The following ZFHX3 variants were observed in gnomAD, a reference collection of about 807,000 sequenced individuals.
The protein encoded by ZFHX3 is zinc finger homeobox 3.
ZFHX3 carries 42 observed loss-of-function variants against 279.1 expected under a neutral mutation model. The observed-to-expected ratio is 0.15, with a 90% CI of 0.12 to 0.19. The LOEUF (loss-of-function observed/expected upper bound fraction) is 0.19. Among genes scored for constraint, ZFHX3 ranks in the 10% least tolerant of loss-of-function variants. The pLI is 1.00. For missense variants in ZFHX3, 4,981 were observed against 4,754.0 expected, an observed-to-expected ratio of 1.05 and a Z score of -1.40; for synonymous variants, 2,293 against 1,957.8, an observed-to-expected ratio of 1.17 and a Z score of -4.52.
chr16:73,497,938 C>A (rs1186256118), intron 2 of ZFHX3, among the ~76,000 whole-genome samples: 1 of 152,242 alleles, frequency 6.6e-6, no homozygotes, highest in African/African-American at 2.4e-5. Flanking sequence ...CCAGCCCAAT[C>A]ACTCTTTCAA....
chr16:73,132,727 C>T (rs1415881589), intron 6 of ZFHX3, among the ~76,000 whole-genome samples: 1 of 152,152 alleles, frequency 6.6e-6, no homozygotes, highest in Non-Finnish European at 1.5e-5. Flanking sequence ...GCTTGAAGCA[C>T]ATAATGTAAC....
At chr16:73,772,417 C>G (rs561206651) in intron 1 of ZFHX3, among the ~76,000 whole-genome samples, 73 of 152,280 alleles carry the variant, frequency 4.8e-4, no homozygotes, top group South Asian at 3.9e-3. Context: ...CTTGCCATCA[C>G]GCGAACAGCA....
At chr16:73,777,508 C>CAA (rs34744186) in intron 1 of ZFHX3, among the ~76,000 whole-genome samples, 23,389 of 62,018 alleles carry the variant, frequency 0.38, 8,286 homozygotes, top group Non-Finnish European at 0.44. Flanking sequence ...GACTCTGTCT[C>CAA]AAAAAAAAAA....
At chr16:73,835,302 G>A (rs765592426) in intron 1 of ZFHX3, among the ~76,000 whole-genome samples, 2 of 152,084 alleles carry the variant, frequency 1.3e-5, no homozygotes, top group Non-Finnish European at 2.9e-5. Flanking sequence ...TTGGGGTAGC[G>A]TGTTTTCTAA....
At chr16:73,602,458 G>A (rs2052128888) in intron 2 of ZFHX3, among the ~76,000 whole-genome samples, 1 of 152,080 alleles carries the variant, frequency 6.6e-6, no homozygotes, top group East Asian at 1.9e-4. Context: ...CCTCCAAAGG[G>A]CAGGGGAGAA....
chr16:72,892,170 A>T (rs945641058), intron 3 of ZFHX3, among the ~76,000 whole-genome samples: 1 of 152,250 alleles, frequency 6.6e-6, no homozygotes, highest in Non-Finnish European at 1.5e-5. Context: ...AAGAAACATA[A>T]ATGCACCAAC....
At chr16:73,155,187 A>AC (rs959262613) in intron 5 of ZFHX3, among the ~76,000 whole-genome samples, 2 of 151,794 alleles carry the variant, frequency 1.3e-5, no homozygotes, top group East Asian at 1.9e-4. Context: ...AAACAAAAAA[A>AC]AAAAAAACAA....
intron 5 of ZFHX3, among the ~76,000 whole-genome samples, chr16:73,185,997 C>A (rs922590995): frequency 2.6e-5 from 4 of 152,084 alleles, no homozygotes; most frequent in Non-Finnish European, 5.9e-5. Flanking sequence ...GAGCGCAAAC[C>A]CTTTTGGGAA....
intron 1 of ZFHX3, among the ~76,000 whole-genome samples, chr16:73,816,677 G>A (rs1032459270): frequency 3.3e-5 from 5 of 152,270 alleles, no homozygotes; most frequent in African/African-American, 7.2e-5. Flanking sequence ...GCAGGGGTAC[G>A]GACTGAATAG....
Position 73,611,514 on chromosome 16 carries a change from T to G in ZFHX3, c.-1547+68666A>C, listed in dbSNP as rs74030136. ...GCTGGAAAAATATTACATAAAATAT[T>G]TTTTGAAATTAAATAAAATTAAACT... On this transcript the variant is annotated intron_variant, in intron 2 of 17. Coordinates refer to the ZFHX3 transcript ENST00000641206. Among the ~76,000 whole-genome samples the G allele has an allele frequency of 7.0e-3, 1,065 of 152,314 alleles. 17 individuals carry two copies. The highest frequency in any genetic ancestry group is 0.024 in the African/African-American group (1,014 of 41,576).
intron 3 of ZFHX3, among the ~76,000 whole-genome samples, chr16:73,368,834 G>A (rs538144408): frequency 6.6e-6 from 1 of 152,254 alleles, no homozygotes; most frequent in African/African-American, 2.4e-5. Context: ...AACTCATGGA[G>A]GCAATTATTA....
intron 5 of ZFHX3, among the ~76,000 whole-genome samples, chr16:73,213,203 G>A (rs1010967096): frequency 6.6e-6 from 1 of 152,204 alleles, no homozygotes. Flanking sequence ...TGGGCTGATA[G>A]CACCCAGCCT....
At chr16:73,505,385 C>T (rs138423063) in intron 2 of ZFHX3, among the ~76,000 whole-genome samples, 7 of 152,032 alleles carry the variant, frequency 4.6e-5, no homozygotes, top group African/African-American at 1.4e-4. Flanking sequence ...ACCACTTGTT[C>T]ACTTTCTCTT....
intron 2 of ZFHX3, among the ~76,000 whole-genome samples, chr16:73,512,066 C>T (rs902637832): frequency 7.9e-5 from 12 of 151,888 alleles, no homozygotes; most frequent in Admixed American, 7.2e-4. Flanking sequence ...TAAGTGTCTG[C>T]CCTGGGAATT....
intron 2 of ZFHX3, among the ~76,000 whole-genome samples, chr16:73,651,086 T>TA (rs777815037): frequency 6.6e-6 from 1 of 152,092 alleles, no homozygotes; most frequent in Non-Finnish European, 1.5e-5. Flanking sequence ...ACAGATTTGA[T>TA]AAAGTACAAA....
At position 73,356,860 on chromosome 16, in the gene ZFHX3, G is replaced by A. The variant is rs373368080; in HGVS notation, c.-1290-38524C>T. Reference sequence around the variant, plus strand: ...GGGCTTTTTTTTTTTTTTCTTCCTGGCCATGGGAGTACACTAGGCCTGTGC... The same window carrying A: ...GGGCTTTTTTTTTTTTTTCTTCCTGACCATGGGAGTACACTAGGCCTGTGC... On this transcript the variant is annotated intron_variant, in intron 3 of 17. Coordinates refer to the ZFHX3 transcript ENST00000641206. Among the ~76,000 whole-genome samples, 3 of 149,614 alleles carry A rather than the reference G, an allele frequency of 2.0e-5. No homozygotes were observed. In the East Asian group the frequency reaches 5.9e-4, roughly 29 times the overall value.
intron 5 of ZFHX3, among the ~76,000 whole-genome samples, chr16:72,827,775 C>A (rs1469028489): frequency 6.6e-6 from 1 of 152,168 alleles, no homozygotes; most frequent in Non-Finnish European, 1.5e-5. Context: ...GTGTTTGACC[C>A]TCATTGTTTT....
chr16:72,838,984 C>A (rs1198152522), intron 4 of ZFHX3, among the ~76,000 whole-genome samples: 1 of 151,926 alleles, frequency 6.6e-6, no homozygotes, highest in Non-Finnish European at 1.5e-5. Flanking sequence ...GGAATACACG[C>A]TAAGTAAGAA....
chr16:73,800,827 C>T (rs1339904093), intron 1 of ZFHX3, among the ~76,000 whole-genome samples: 1 of 152,184 alleles, frequency 6.6e-6, no homozygotes, highest in African/African-American at 2.4e-5. Context: ...AGAAAAACAG[C>T]ACCCATCCTT....
Sources: gnomAD v4.1 joint callset for allele counts (sites outside exome capture counted in the v4.1 genomes callset) on GRCh38, gnomAD v4.1.1 for gene constraint, MANE v1.5 for transcripts, NCBI Gene and HGNC (gene_info 2026-07-23, HGNC 2026-07-21) for gene names.